The following GPC6 variants were observed in gnomAD, a reference collection of about 807,000 sequenced individuals.
GPC6 encodes the protein glypican-6.
Under a neutral mutation model 55.2 loss-of-function variants are expected in GPC6, and 14 were observed. The observed-to-expected ratio is 0.25, with a 90% CI of 0.17 to 0.40. GPC6 has a LOEUF of 0.40. Among genes scored for constraint, GPC6 ranks in the 10% least tolerant of loss-of-function variants. The probability of loss-of-function intolerance (pLI) is 1.00; values close to 1 mark genes in which losing one functional copy is unlikely to be tolerated. For synonymous variants in GPC6, 278 were observed against 259.6 expected (o/e 1.07, Z -0.68); for missense variants, 641 against 708.5 (o/e 0.90, Z 1.08).
rs137936543 is a variant in GPC6, at chr13:94,100,861, G to T, written c.877+72967G>T. On this transcript the variant is annotated intron_variant, in intron 4 of 8. Transcript: ENST00000377047. ...ACGTGAACCATTCTTAGTCCTCAGA[G>T]TATTTCTACAAGACCATTTATGTTG... is the stretch of plus-strand genomic sequence containing the variant. Among the ~76,000 whole-genome samples, 557 of 152,270 alleles carry T rather than the reference G, an allele frequency of 3.7e-3. 5 individuals are homozygous for T. The highest frequency in any genetic ancestry group is 9.3e-3 in the East Asian group (48 of 5,188).
chr13:94,139,459 G>T (rs1887297055), intron 4 of GPC6, among the ~76,000 whole-genome samples: 2 of 152,138 alleles, frequency 1.3e-5, no homozygotes, highest in Admixed American at 1.3e-4. Context: ...AATATCTCCA[G>T]ATTGGGGCTC....
intron 2 of GPC6, among the ~76,000 whole-genome samples, chr13:93,583,958 A>G (rs1594287394): frequency 1.3e-5 from 2 of 152,328 alleles, no homozygotes; most frequent in East Asian, 3.9e-4. Context: ...CACATGTAAA[A>G]TCAGGAGTGG....
At chr13:93,663,109 A>AT (rs1880992013) in intron 2 of GPC6, among the ~76,000 whole-genome samples, 2 of 152,084 alleles carry the variant, frequency 1.3e-5, no homozygotes, top group Non-Finnish European at 2.9e-5. Flanking sequence ...AAAAAAAAAA[A>AT]AAAAAATCTC....
chr13:93,845,979 A>C (rs1888161010), intron 3 of GPC6, among the ~76,000 whole-genome samples: 1 of 151,980 alleles, frequency 6.6e-6, no homozygotes, highest in Non-Finnish European at 1.5e-5. Flanking sequence ...AACTTAAAGT[A>C]TAATAAAAAA....
At chr13:94,266,054 T>C (rs1046804495) in intron 4 of GPC6, among the ~76,000 whole-genome samples, 1 of 152,216 alleles carries the variant, frequency 6.6e-6, no homozygotes, top group African/African-American at 2.4e-5. Flanking sequence ...TAACCTATTA[T>C]TCTTTTCCCT....
Position 93,418,896 on chromosome 13 carries a change from C to A in GPC6, c.161-126367C>A, listed in dbSNP as rs541433828. Among the ~76,000 whole-genome samples the A allele has an allele frequency of 1.9e-3, 281 of 150,572 alleles. 1 individual carries two copies. The highest frequency in any genetic ancestry group is 6.5e-3 in the African/African-American group (265 of 40,898). On this transcript the variant is annotated intron_variant, in intron 1 of 8. Transcript: ENST00000377047. Reference sequence around the variant, plus strand: ...TACCATAGTATTATTTTATTAATGGCACGATACCATAGTATTATTTTATTA... The same window carrying A: ...TACCATAGTATTATTTTATTAATGGAACGATACCATAGTATTATTTTATTA...
At chr13:94,057,401 A>G (rs1448193609) in intron 4 of GPC6, among the ~76,000 whole-genome samples, 3 of 152,204 alleles carry the variant, frequency 2.0e-5, no homozygotes, top group African/African-American at 7.2e-5. Context: ...CATTGAGACT[A>G]TTATCACAGT....
rs114686868 is a variant in GPC6 at position 94,216,446 on chromosome 13, T to G, written c.878-69903T>G. On this transcript the variant is annotated intron_variant, in intron 4 of 8. Transcript: ENST00000377047. ...AATACTATGTAAATATCAACAGTTA[T>G]TATTATAAATTTTGAAAAGTTGTCC... 5.6e-3 allele frequency among the ~76,000 whole-genome samples: 854 copies of G among 152,326 alleles called. 14 individuals carry two copies. Among genetic ancestry groups the G allele is most frequent in the African/African-American group, 0.019 (808 of 41,570 alleles).
At chr13:94,208,817 G>A (rs913363712) in intron 4 of GPC6, among the ~76,000 whole-genome samples, 6 of 147,320 alleles carry the variant, frequency 4.1e-5, no homozygotes, top group African/African-American at 1.5e-4. Flanking sequence ...TACTCGAGAC[G>A]CTGAAGCGGG....
At chr13:93,868,064 T>G (rs1355752307) in intron 3 of GPC6, among the ~76,000 whole-genome samples, 2 of 151,814 alleles carry the variant, frequency 1.3e-5, no homozygotes, top group African/African-American at 4.8e-5. Flanking sequence ...ATGGATTTTC[T>G]GCAGAGTAGG....
intron 4 of GPC6, among the ~76,000 whole-genome samples, chr13:94,055,858 C>T (rs935771891): frequency 2.0e-5 from 3 of 152,086 alleles, no homozygotes; most frequent in African/African-American, 7.2e-5. Flanking sequence ...GAGAATATGG[C>T]GGGTGTCCCT....
At chr13:93,565,852 G>A (rs1234082339) in intron 2 of GPC6, among the ~76,000 whole-genome samples, 1 of 151,640 alleles carries the variant, frequency 6.6e-6, no homozygotes, top group Non-Finnish European at 1.5e-5. Flanking sequence ...AACCCGGGAG[G>A]CGGAGGTTGC....
intron 3 of GPC6, among the ~76,000 whole-genome samples, chr13:94,010,934 G>A (rs908282714): frequency 6.6e-6 from 1 of 152,038 alleles, no homozygotes; most frequent in Non-Finnish European, 1.5e-5. Context: ...GGTCTCATTG[G>A]CTACAATAGA....
At chr13:93,829,396 G>A (rs1887397675) in intron 2 of GPC6, among the ~76,000 whole-genome samples, 1 of 152,078 alleles carries the variant, frequency 6.6e-6, no homozygotes, top group African/African-American at 2.4e-5. Flanking sequence ...TAACACTCAA[G>A]CGCTGTTGCA....
intron 1 of GPC6, among the ~76,000 whole-genome samples, chr13:93,514,837 G>A (rs746694453): frequency 6.6e-6 from 1 of 152,118 alleles, no homozygotes; most frequent in Non-Finnish European, 1.5e-5. Context: ...ACGTAGAGTC[G>A]TCGTGAGGAA....
intron 6 of GPC6, among the ~76,000 whole-genome samples, chr13:94,351,290 C>A (rs964651276): frequency 2.0e-5 from 3 of 152,036 alleles, no homozygotes; most frequent in Non-Finnish European, 2.9e-5. Flanking sequence ...GGACAGAGAA[C>A]CACGGTGATC....
At chr13:93,866,042 T>G (rs1888955780) in intron 3 of GPC6, among the ~76,000 whole-genome samples, 1 of 151,686 alleles carries the variant, frequency 6.6e-6, no homozygotes, top group Non-Finnish European at 1.5e-5. Context: ...GCGGAGTCCT[T>G]GAAGCCAGAA....
At chr13:94,077,925 A>G (rs1417753127) in intron 4 of GPC6, among the ~76,000 whole-genome samples, 1 of 151,880 alleles carries the variant, frequency 6.6e-6, no homozygotes, top group Non-Finnish European at 1.5e-5. Context: ...CCCAAAAGAC[A>G]TATATAGAAC....
chr13:94,018,153 C>T (rs551321935), intron 3 of GPC6, among the ~76,000 whole-genome samples: 1 of 152,160 alleles, frequency 6.6e-6, no homozygotes, highest in Admixed American at 6.5e-5. Flanking sequence ...CATTAAATTT[C>T]TTTTCTGCAT....
Sources: allele counts gnomAD v4.1 joint callset (sites outside exome capture counted in the v4.1 genomes callset), GRCh38; gene constraint gnomAD v4.1.1; transcripts MANE v1.5; gene names NCBI Gene and HGNC (gene_info 2026-07-23, HGNC 2026-07-21).